The following ENOX1 variants were observed in gnomAD, a reference collection of about 807,000 sequenced individuals.
ENOX1 encodes the protein candidate growth-related and time keeping constitutive hydroquinone (NADH) oxidase.
ENOX1 carries 42 observed loss-of-function variants against 82.5 expected under a neutral mutation model. The ratio of observed to expected loss-of-function variants is 0.51; its 90% CI spans 0.40 to 0.66. The LOEUF is 0.66. ENOX1 is among the 30% of genes least tolerant of loss of function. The probability of loss-of-function intolerance (pLI) is 0.00; values close to 1 mark genes in which losing one functional copy is unlikely to be tolerated. For missense variants in ENOX1, 608 were observed against 811.6 expected, an observed-to-expected ratio of 0.75 and a Z score of 3.05; for synonymous variants, 271 against 282.2, an observed-to-expected ratio of 0.96 and a Z score of 0.40.
chr13:43,336,236 T>C (rs2048702369), intron 9 of ENOX1, among the ~76,000 whole-genome samples: 1 of 152,208 alleles, frequency 6.6e-6, no homozygotes, highest in Non-Finnish European at 1.5e-5. Context: ...AAAGAGCTTT[T>C]CAGGCAGAAG....
chr13:43,604,367 AT>A (rs2081886360), intron 2 of ENOX1, among the ~76,000 whole-genome samples: 1 of 152,204 alleles, frequency 6.6e-6, no homozygotes, highest in Non-Finnish European at 1.5e-5. Flanking sequence ...ATTGAAACAA[AT>A]AATAAAAGAA....
chr13:43,516,238 G>A (rs2077555090), intron 2 of ENOX1, among the ~76,000 whole-genome samples: 1 of 152,112 alleles, frequency 6.6e-6, no homozygotes, highest in African/African-American at 2.4e-5. Context: ...AAGCCTAAAG[G>A]ACTGAAAGGT....
At chr13:43,274,024 C>T (rs905698651) in intron 12 of ENOX1, among the ~76,000 whole-genome samples, 1 of 152,098 alleles carries the variant, frequency 6.6e-6, no homozygotes, top group South Asian at 2.1e-4. Flanking sequence ...AAAAAACCCA[C>T]CAAAACAACA....
chr13:43,660,690 G>A (rs896858587), intron 2 of ENOX1, among the ~76,000 whole-genome samples: 3 of 152,124 alleles, frequency 2.0e-5, no homozygotes, highest in Non-Finnish European at 2.9e-5. Flanking sequence ...ACCTAAAAGA[G>A]AGTATTCAGA....
At chr13:43,515,000 GCTTCATCAGTAA>G (rs1195438476) in intron 2 of ENOX1, among the ~76,000 whole-genome samples, 1 of 152,132 alleles carries the variant, frequency 6.6e-6, no homozygotes, top group Non-Finnish European at 1.5e-5. Context: ...AGCTATGGTA[GCTTCATCAGTAA>G]CTTTCAGATA....
chr13:43,662,445 C>A (rs2084781474), intron 2 of ENOX1, among the ~76,000 whole-genome samples: 1 of 152,200 alleles, frequency 6.6e-6, no homozygotes, highest in Non-Finnish European at 1.5e-5. Context: ...GACAATCACA[C>A]ATGCTGAATG....
chr13:43,687,686 G>A (rs2086147853), intron 1 of ENOX1, among the ~76,000 whole-genome samples: 2 of 152,254 alleles, frequency 1.3e-5, no homozygotes, highest in Non-Finnish European at 2.9e-5. Context: ...GCATGATGGA[G>A]GCTGGATATT....
intron 3 of ENOX1, chr13:43,459,585 T>C (rs1278959431): frequency 2.0e-5 from 3 of 152,228 alleles, no homozygotes; most frequent in African/African-American, 7.2e-5. Flanking sequence ...TAAAAGGATG[T>C]AGAGTAGGAA....
intron 3 of ENOX1, among the ~76,000 whole-genome samples, chr13:43,421,604 G>C (rs1349328413): frequency 6.6e-6 from 1 of 152,106 alleles, no homozygotes; most frequent in Non-Finnish European, 1.5e-5. Context: ...TCTTTTTCCA[G>C]TTTTCTGTTA....
chr13:43,625,604 G>A (rs910967704), intron 2 of ENOX1, among the ~76,000 whole-genome samples: 10 of 152,016 alleles, frequency 6.6e-5, no homozygotes, highest in East Asian at 3.9e-4. Context: ...ATATGATCAC[G>A]TGGCTTCTTT....
At chr13:43,415,042 T>C (rs1254108662) in intron 3 of ENOX1, among the ~76,000 whole-genome samples, 1 of 152,178 alleles carries the variant, frequency 6.6e-6, no homozygotes, top group African/African-American at 2.4e-5. Context: ...CCATCGTTTC[T>C]ACCTAATACT....
At chr13:43,709,391 A>C (rs909235519) in intron 1 of ENOX1, among the ~76,000 whole-genome samples, 4 of 152,152 alleles carry the variant, frequency 2.6e-5, no homozygotes, top group Non-Finnish European at 4.4e-5. Flanking sequence ...ATAAATATTA[A>C]ATAACCATTA....
chr13:43,258,226 T>C (rs868822493), intron 14 of ENOX1, among the ~76,000 whole-genome samples: 1 of 152,198 alleles, frequency 6.6e-6, no homozygotes, highest in Non-Finnish European at 1.5e-5. Context: ...AATCCTTCCT[T>C]GGAGCTCTGT....
At chr13:43,551,386 T>G (rs531089923) in intron 2 of ENOX1, among the ~76,000 whole-genome samples, 1 of 152,288 alleles carries the variant, frequency 6.6e-6, no homozygotes, top group African/African-American at 2.4e-5. Flanking sequence ...TTGATCACGA[T>G]GTATTATCTT....
At chr13:43,292,985 C>T (rs1215944462) in intron 12 of ENOX1, among the ~76,000 whole-genome samples, 1 of 151,944 alleles carries the variant, frequency 6.6e-6, no homozygotes, top group Non-Finnish European at 1.5e-5. Context: ...GCCACAGCTG[C>T]CTCCATCACC....
chr13:43,421,990 C>G (rs185453676), intron 3 of ENOX1, among the ~76,000 whole-genome samples: 1,636 of 146,002 alleles, frequency 0.011, 9 homozygotes, highest in Non-Finnish European at 0.017. Flanking sequence ...ATAAAGGAAC[C>G]AAGAAAAAAA....
At chr13:43,783,855 A>C (rs2153855889) in intron 1 of ENOX1, among the ~76,000 whole-genome samples, 1 of 152,340 alleles carries the variant, frequency 6.6e-6, no homozygotes, top group African/African-American at 2.4e-5. Flanking sequence ...AAACATCCAA[A>C]AAAAAAGAAA....
At chr13:43,222,144 C>A (rs61950455) in intron 16 of ENOX1, among the ~76,000 whole-genome samples, 1,758 of 152,122 alleles carry the variant, frequency 0.012, 12 homozygotes, top group Non-Finnish European at 0.015. Context: ...TACCAGTCTG[C>A]GATGAGATAC....
At chr13:43,685,633 G>C (rs1164148417) in intron 1 of ENOX1, among the ~76,000 whole-genome samples, 1 of 151,932 alleles carries the variant, frequency 6.6e-6, no homozygotes, top group African/African-American at 2.4e-5. Context: ...TTTTTTTTAA[G>C]TTGCCGGTGG....
Sources: allele counts gnomAD v4.1 joint callset (sites outside exome capture counted in the v4.1 genomes callset), GRCh38; gene constraint gnomAD v4.1.1; transcripts MANE v1.5; gene names NCBI Gene and HGNC (gene_info 2026-07-23, HGNC 2026-07-21).